SNX14: variants seen among roughly 807,000 people sequenced by gnomAD.
SNX14 encodes the protein sorting nexin-14.
SNX14 carries 93 observed loss-of-function variants against 133.8 expected under a neutral mutation model. The ratio of observed to expected loss-of-function variants is 0.70; its 90% confidence interval spans 0.59 to 0.83. The LOEUF is 0.83. Among genes scored for constraint, SNX14 ranks in the 40% least tolerant of loss-of-function variants. SNX14 has a pLI of 0.00. For missense variants in SNX14, 945 were observed against 1,094.9 expected, an observed-to-expected ratio of 0.86 and a Z score of 1.93; for synonymous variants, 368 against 365.6, an observed-to-expected ratio of 1.01 and a Z score of -0.07.
At chr6:85,593,441 C>G (rs990258098) in intron 1 of SNX14, 138 bp downstream of exon 1, 1 of 1,329,128 alleles carries the variant, frequency 7.5e-7, no homozygotes, top group East Asian at 2.7e-5. Flanking sequence ...TCCCCGAGGC[C>G]GCTCCTCTGC....
intron 1 of SNX14, among the ~76,000 whole-genome samples, chr6:85,582,940 G>A (rs1799494082): frequency 6.6e-6 from 1 of 152,066 alleles, no homozygotes; most frequent in Non-Finnish European, 1.5e-5. Flanking sequence ...GCATCATCCT[G>A]ACACCAAAAC....
At chr6:85,528,439 A>T (rs1779160500) in intron 19 of SNX14, 77 bp from the exon 20 acceptor site, 1 of 1,091,830 alleles carries the variant, frequency 9.2e-7, no homozygotes, top group Admixed American at 2.0e-5. Context: ...TTTAAAATTT[A>T]CTATGGCACA....
In SNX14 at chr6:85,505,596, C is replaced by A; in HGVS notation, c.*371G>T. 1 of 192,802 alleles carries A rather than the reference C, an allele frequency of 5.2e-6. No individual in the cohort carries two copies. Among genetic ancestry groups the A allele is most frequent in the Non-Finnish European group, 1.0e-5 (1 of 96,254 alleles). The allele number at this position is 192,802 out of a possible 1,614,324, so 11.9% of individuals were successfully genotyped here. A position where few individuals can be genotyped will look rare whatever the true frequency, so the allele number is the denominator to read the frequency against. On this transcript the variant is annotated 3_prime_UTR_variant, in exon 29 of 29. Coordinates refer to ENST00000314673, the MANE Select transcript of SNX14 (RefSeq NM_153816.6). ...AAACCAATCTACTAAAATATATTAA[C>A]TCTAAGAAAATCAGATCTTATTCCT...
intron 20 of SNX14, among the ~76,000 whole-genome samples, 161 bp from the exon 21 acceptor site, chr6:85,526,398 G>C (rs980727227): frequency 6.6e-6 from 1 of 152,142 alleles, no homozygotes; most frequent in Non-Finnish European, 1.5e-5. Context: ...TAGGATAGTA[G>C]GTAAGACCTT....
At chr6:85,545,603 T>C (rs912295061) in intron 12 of SNX14, among the ~76,000 whole-genome samples, 2 of 152,230 alleles carry the variant, frequency 1.3e-5, no homozygotes, top group African/African-American at 4.8e-5. Context: ...CAATCTTAAA[T>C]GTGTCTGCAC....
intron 13 of SNX14, 78 bp downstream of exon 13, chr6:85,543,527 C>A: frequency 8.2e-7 from 1 of 1,215,806 alleles, no homozygotes; most frequent in Non-Finnish European, 1.1e-6. Context: ...TGCAGCTAGC[C>A]ACTGCAATAA....
intron 9 of SNX14, 58 bp from the exon 10 acceptor site, chr6:85,547,608 A>G: frequency 7.3e-7 from 1 of 1,364,628 alleles, no homozygotes; most frequent in Non-Finnish European, 1.0e-6. Flanking sequence ...TCTCCCCAGA[A>G]TTCTCATAAC....
At chr6:85,516,047 A>G (rs1239060051) in intron 23 of SNX14, among the ~76,000 whole-genome samples, 1 of 152,172 alleles carries the variant, frequency 6.6e-6, no homozygotes, top group African/African-American at 2.4e-5. Context: ...TTGTATATTA[A>G]CTTGTACTCT....
At chr6:85,537,975 C>T (rs1175771131) in intron 16 of SNX14, among the ~76,000 whole-genome samples, 1 of 152,102 alleles carries the variant, frequency 6.6e-6, no homozygotes, top group Non-Finnish European at 1.5e-5. Flanking sequence ...TGTAATACTG[C>T]TCTTACAACC....
At chr6:85,557,248 A>C (rs546253717) in intron 7 of SNX14, among the ~76,000 whole-genome samples, 1 of 152,354 alleles carries the variant, frequency 6.6e-6, no homozygotes, top group South Asian at 2.1e-4. Context: ...TCATGAACTA[A>C]GTACAGCGCA....
intron 23 of SNX14, 140 bp downstream of exon 23, chr6:85,517,616 C>T (rs1225406857): frequency 9.2e-6 from 9 of 973,832 alleles, no homozygotes; most frequent in Non-Finnish European, 1.0e-5. Flanking sequence ...CTCTGTATAC[C>T]GTTCAACTGA....
chr6:85,506,945 G>A (rs753400695), intron 28 of SNX14, among the ~76,000 whole-genome samples: 1 of 152,044 alleles, frequency 6.6e-6, no homozygotes, highest in Non-Finnish European at 1.5e-5. Context: ...GCCTATTCTA[G>A]TGCTAGGACT....
chr6:85,541,890 C>T (rs888227928), intron 15 of SNX14, 95 bp downstream of exon 15: 17 of 853,484 alleles, frequency 2.0e-5, no homozygotes, highest in Non-Finnish European at 2.8e-5. Context: ...AACAATGGAA[C>T]CACATATTCA....
At position 85,558,050 on chromosome 6, in the gene SNX14, G is replaced by A. The variant is rs774885935; in HGVS notation, c.560C>T (p.Pro187Leu). 1.2e-5 allele frequency: 18 copies of A among 1,536,904 alleles called. No homozygotes were observed. The highest frequency in any genetic ancestry group is 1.5e-5 in the Non-Finnish European group (17 of 1,119,744). ...LIRRIHKVDI[P>L]SIITKKLLKA... ...TAATAGTTTCTTGGTTATAATAGAT[G>A]GAATATCCACCTAGAAAAATTCAAG... Residue 187 changes from proline to leucine, a missense_variant, in exon 7 of 29, where the codon CCA (proline) becomes CTA (leucine). Pro to Leu is a moderately conservative substitution (Grantham distance 98). Coordinates refer to ENST00000314673, the MANE Select transcript of SNX14 (RefSeq NM_153816.6).
chr6:85,567,146 T>C (rs1459783939), intron 5 of SNX14, among the ~76,000 whole-genome samples: 1 of 152,230 alleles, frequency 6.6e-6, no homozygotes. Context: ...TAAGGAATTC[T>C]ACAAGTTACT....
intron 4 of SNX14, among the ~76,000 whole-genome samples, chr6:85,570,309 T>C (rs1001037118): frequency 7.9e-6 from 1 of 126,638 alleles, no homozygotes; most frequent in East Asian, 2.1e-4. Flanking sequence ...AAGGGTTTTA[T>C]ACAAGTCCTT....
At chr6:85,506,320 A>ATTT (rs61396032) in intron 28 of SNX14, among the ~76,000 whole-genome samples, 2 of 145,606 alleles carry the variant, frequency 1.4e-5, no homozygotes, top group Non-Finnish European at 3.0e-5. Context: ...TAACTTGAAA[A>ATTT]TTTTTTTTTT....
In SNX14 at chr6:85,559,423, G is replaced by C. The variant is rs546010310; in HGVS notation, c.550-1363C>G. Among the ~76,000 whole-genome samples, 10 of 152,244 alleles carry C rather than the reference G, an allele frequency of 6.6e-5. No individual in the cohort carries two copies. The South Asian group carries it at 2.1e-3, about 32-fold the overall frequency. Reference sequence around the variant, plus strand: ...TGTAAGTTCCACTTTAGGGAATTCAGGTCAGAATTAAAATGGTAAAATAAT... The same window carrying C: ...TGTAAGTTCCACTTTAGGGAATTCACGTCAGAATTAAAATGGTAAAATAAT... On this transcript the variant is annotated intron_variant, in intron 6 of 28. Coordinates refer to ENST00000314673, the MANE Select transcript of SNX14 (RefSeq NM_153816.6).
chr6:85,560,727 C>T (rs1384918701), intron 6 of SNX14, among the ~76,000 whole-genome samples: 6 of 152,110 alleles, frequency 3.9e-5, no homozygotes, highest in Non-Finnish European at 8.8e-5. Context: ...TTAGAATCCA[C>T]TAAGCTAATC....
Sources: gnomAD v4.1 joint callset for allele counts (sites outside exome capture counted in the v4.1 genomes callset) on GRCh38, gnomAD v4.1.1 for gene constraint, MANE v1.5 for transcripts, NCBI Gene and HGNC (gene_info 2026-07-23, HGNC 2026-07-21) for gene names.